Variants in SCOC observed in about 807,000 individuals in gnomAD.
SCOC encodes short coiled coil protein.
Under a neutral mutation model 9.9 loss-of-function variants are expected in SCOC, and 7 were observed. The ratio of observed to expected loss-of-function variants is 0.71; its 90% CI spans 0.40 to 1.33. The LOEUF (loss-of-function observed/expected upper bound fraction) is 1.33, where lower values mean the gene tolerates loss of function less well. SCOC is among the 40% of genes most tolerant of loss of function. The pLI is 0.01. For missense variants in SCOC, 66 were observed against 89.7 expected (o/e 0.74, Z 1.07); for synonymous variants, 19 against 28.2 (o/e 0.67, Z 1.03).
chr4:140,331,635 T>C (rs928218344), intron 1 of SCOC, among the ~76,000 whole-genome samples: 1 of 152,200 alleles, frequency 6.6e-6, no homozygotes, highest in Non-Finnish European at 1.5e-5. Flanking sequence ...TGGCTGCTGC[T>C]TCTCAGTCTC....
chr4:140,292,959 T>C (rs1731518415), intron 1 of SCOC, among the ~76,000 whole-genome samples: 1 of 152,218 alleles, frequency 6.6e-6, no homozygotes, highest in African/African-American at 2.4e-5. Flanking sequence ...GCTCTTCCAG[T>C]GCAGGAGAGA....
At chr4:140,306,392 A>G (rs910750190) in intron 1 of SCOC, among the ~76,000 whole-genome samples, 2 of 152,200 alleles carry the variant, frequency 1.3e-5, no homozygotes, top group Non-Finnish European at 2.9e-5. Flanking sequence ...CAGTCAAACC[A>G]TATCAGTACC....
intron 2 of SCOC, among the ~76,000 whole-genome samples, chr4:140,368,273 G>T (rs1406145750): frequency 6.6e-6 from 1 of 152,062 alleles, no homozygotes; most frequent in South Asian, 2.1e-4. Context: ...CATAATTTTT[G>T]CCACATTAAA....
At chr4:140,283,008 T>G (rs6820574) in intron 1 of SCOC, among the ~76,000 whole-genome samples, 39,677 of 152,180 alleles carry the variant, frequency 0.26, 8,979 homozygotes, top group African/African-American at 0.6. Flanking sequence ...TCACCTGCAT[T>G]TGGGAGATGG....
intron 1 of SCOC, among the ~76,000 whole-genome samples, chr4:140,281,316 TACCTGGAGGGAC>T (rs1307025669): frequency 1.3e-5 from 2 of 151,848 alleles, no homozygotes; most frequent in Non-Finnish European, 2.9e-5. Context: ...AGACTCCTTC[TACCTGGAGGGAC>T]ACATCAGGTG....
In SCOC at chr4:140,384,136, A is replaced by G. The variant is rs1728641920; in HGVS notation, c.*3032A>G. On this transcript the variant is annotated 3_prime_UTR_variant, in exon 4 of 4. Transcript: ENST00000608372. ...CCTTCTATCTTTGCTTGAAAATGTC[A>G]ATTTTTTTGATACCTTGCTGAAAGC... 6.6e-6 allele frequency: 1 copy of G among 152,150 alleles called. No homozygotes were observed. Among genetic ancestry groups the G allele is most frequent in the Non-Finnish European group, 1.5e-5 (1 of 68,022 alleles). The allele number at this position is 152,150 out of a possible 1,614,324, so 9.4% of individuals were successfully genotyped here.
upstream of SCOC, among the ~76,000 whole-genome samples, chr4:140,373,049 G>T (rs1213999136): frequency 6.6e-6 from 1 of 152,196 alleles, no homozygotes; most frequent in African/African-American, 2.4e-5. Context: ...AAATGGCCAC[G>T]CACTACAGAT....
At chr4:140,378,023 T>A (rs931011898) in intron 1 of SCOC, among the ~76,000 whole-genome samples, 1 of 152,196 alleles carries the variant, frequency 6.6e-6, no homozygotes, top group Non-Finnish European at 1.5e-5. Context: ...ATGAAATGAT[T>A]GTTAGCAATG....
intron 1 of SCOC, among the ~76,000 whole-genome samples, chr4:140,313,424 G>A (rs527841426): frequency 2.8e-4 from 43 of 152,216 alleles, no homozygotes; most frequent in Non-Finnish European, 5.0e-4. Context: ...GCTAATTTTT[G>A]TACTTTTAAT....
intron 1 of SCOC, among the ~76,000 whole-genome samples, chr4:140,288,344 A>G (rs960013362): frequency 6.6e-6 from 1 of 152,080 alleles, no homozygotes; most frequent in Non-Finnish European, 1.5e-5. Context: ...TACATGTCAC[A>G]CAAATATATA....
intron 1 of SCOC, among the ~76,000 whole-genome samples, chr4:140,282,547 C>T (rs1022623888): frequency 6.6e-6 from 1 of 151,928 alleles, no homozygotes; most frequent in Admixed American, 6.6e-5. Flanking sequence ...GTGCTATATT[C>T]CTATTGTTTT....
intron 3 of SCOC, 64 bp downstream of exon 3, chr4:140,379,716 A>G: frequency 8.3e-7 from 1 of 1,208,532 alleles, no homozygotes; most frequent in Non-Finnish European, 1.2e-6. Flanking sequence ...AAAAATTTAT[A>G]TTGCTAAATT....
At chr4:140,288,944 C>T (rs970224392) in intron 1 of SCOC, among the ~76,000 whole-genome samples, 1 of 152,064 alleles carries the variant, frequency 6.6e-6, no homozygotes, top group African/African-American at 2.4e-5. Flanking sequence ...ACACATGCCA[C>T]ACACCACATA....
intron 1 of SCOC, among the ~76,000 whole-genome samples, chr4:140,318,982 A>G (rs904174976): frequency 6.6e-6 from 1 of 152,010 alleles, no homozygotes; most frequent in African/African-American, 2.4e-5. Flanking sequence ...GAAGCCTTCT[A>G]TTCCTCCAGT....
chr4:140,314,361 G>A (rs1389364415), intron 1 of SCOC: 1 of 153,004 alleles, frequency 6.5e-6, no homozygotes, highest in Non-Finnish European at 1.5e-5. Context: ...AACAAATCAA[G>A]GCAGTATTTT....
chr4:140,349,634 G>A (rs569230307), intron 2 of SCOC, among the ~76,000 whole-genome samples: 1 of 152,076 alleles, frequency 6.6e-6, no homozygotes, highest in African/African-American at 2.4e-5. Context: ...ACACAGTTAC[G>A]AAAGCTAGAA....
chr4:140,263,721 G>A (rs563967640), intron 1 of SCOC, among the ~76,000 whole-genome samples: 12 of 152,206 alleles, frequency 7.9e-5, no homozygotes, highest in African/African-American at 2.6e-4. Flanking sequence ...ATATCACCCC[G>A]AATGGGTGAA....
intron 1 of SCOC, among the ~76,000 whole-genome samples, chr4:140,310,330 G>A (rs1047537739): frequency 6.6e-6 from 1 of 152,104 alleles, no homozygotes; most frequent in East Asian, 1.9e-4. Context: ...CTCATCCGGG[G>A]GAAGTCACAA....
intron 1 of SCOC, among the ~76,000 whole-genome samples, chr4:140,297,274 G>A (rs1024512127): frequency 7.3e-5 from 11 of 151,702 alleles, no homozygotes; most frequent in Non-Finnish European, 1.0e-4. Context: ...GACTGTGGGG[G>A]GGGGGGCACT....
Sources: gnomAD v4.1 joint callset for allele counts (sites outside exome capture counted in the v4.1 genomes callset) on GRCh38, gnomAD v4.1.1 for gene constraint, MANE v1.5 for transcripts, NCBI Gene and HGNC (gene_info 2026-07-23, HGNC 2026-07-21) for gene names.